Variants in NR1I2 observed in about 807,000 individuals in gnomAD.
The protein encoded by NR1I2 is nuclear receptor subfamily 1 group I member 2.
NR1I2 carries 42 observed loss-of-function variants against 43.3 expected under a neutral mutation model. The observed-to-expected ratio is 0.97, with a 90% CI of 0.76 to 1.26. The LOEUF is 1.26. Ranked by LOEUF, NR1I2 falls within the 50% of genes most tolerant of loss-of-function variation. NR1I2 has a pLI of 0.00. For synonymous variants in NR1I2, 229 were observed against 215.0 expected, an observed-to-expected ratio of 1.06 and a Z score of -0.57; for missense variants, 559 against 566.7, an observed-to-expected ratio of 0.99 and a Z score of 0.14.
chr3:119,809,567 AG>A (rs1191366292), intron 2 of NR1I2, among the ~76,000 whole-genome samples: 2 of 7,868 alleles, frequency 2.5e-4, no homozygotes, highest in African/African-American at 1.1e-3. Flanking sequence ...GCGGGGGGGA[AG>A]GCGGGGGGGT....
rs561433857 is a variant in NR1I2 at position 119,796,639 on chromosome 3, G to T, written c.-22-10590G>T. Among the ~76,000 whole-genome samples the T allele has an allele frequency of 3.9e-5, 6 of 152,180 alleles. No homozygotes were observed. The East Asian group carries it at 9.7e-4, about 25-fold the overall frequency. On this transcript the variant is annotated intron_variant, in intron 1 of 8. Transcript: ENST00000393716. ...TTCTCCTCCATTGCTATCTCCAGTT[G>T]CACCGCTCTTCTTCATTTCTTTCCC... is the stretch of plus-strand genomic sequence containing the variant.
intron 1 of NR1I2, chr3:119,792,330 A>G: frequency 7.0e-7 from 1 of 1,427,706 alleles, no homozygotes; most frequent in Non-Finnish European, 9.8e-7. Context: ...TGTGTCTTTG[A>G]CACATCTGAC....
chr3:119,813,212 C>T (rs1222320123), intron 5 of NR1I2, among the ~76,000 whole-genome samples: 1 of 152,186 alleles, frequency 6.6e-6, no homozygotes, highest in African/African-American at 2.4e-5. Flanking sequence ...AAAAATGCCT[C>T]CCCTGCAGGG....
chr3:119,784,895 A>G (rs2054822960), intron 1 of NR1I2, among the ~76,000 whole-genome samples: 1 of 152,100 alleles, frequency 6.6e-6, no homozygotes, highest in African/African-American at 2.4e-5. Context: ...CCCCCAATAA[A>G]TAGAAAATCT....
At chr3:119,798,177 G>A (rs1168500759) in intron 1 of NR1I2, among the ~76,000 whole-genome samples, 2 of 152,044 alleles carry the variant, frequency 1.3e-5, no homozygotes, top group African/African-American at 4.8e-5. Context: ...ACTGAGTCTC[G>A]TGTGTCTCTT....
At chr3:119,806,578 G>A (rs1004742565) in intron 1 of NR1I2, among the ~76,000 whole-genome samples, 1 of 152,142 alleles carries the variant, frequency 6.6e-6, no homozygotes, top group African/African-American at 2.4e-5. Flanking sequence ...CAGCCACCAT[G>A]CTTAGCTACA....
At chr3:119,783,331 C>T (rs571725529) in intron 1 of NR1I2, among the ~76,000 whole-genome samples, 13 of 152,142 alleles carry the variant, frequency 8.5e-5, no homozygotes, top group Admixed American at 5.2e-4. Flanking sequence ...CATGCCCATT[C>T]GTTATGTATT....
intron 1 of NR1I2, among the ~76,000 whole-genome samples, chr3:119,787,760 T>C (rs778337197): frequency 6.6e-6 from 1 of 151,574 alleles, no homozygotes; most frequent in Non-Finnish European, 1.5e-5. Context: ...TATTTAATTA[T>C]GCGTGTGTGT....
intron 1 of NR1I2, among the ~76,000 whole-genome samples, chr3:119,793,102 C>T (rs2054945270): frequency 6.6e-6 from 1 of 152,180 alleles, no homozygotes; most frequent in Non-Finnish European, 1.5e-5. Context: ...CGCACTTCAC[C>T]TTCCACCATG....
At chr3:119,799,592 CA>C (rs1379192286) in intron 1 of NR1I2, among the ~76,000 whole-genome samples, 5 of 151,722 alleles carry the variant, frequency 3.3e-5, no homozygotes, top group Admixed American at 1.3e-4. Flanking sequence ...CAAACAAACA[CA>C]AACAAAAAAA....
intron 1 of NR1I2, among the ~76,000 whole-genome samples, chr3:119,805,418 C>T (rs185330155): frequency 2.6e-5 from 4 of 152,220 alleles, no homozygotes; most frequent in East Asian, 3.9e-4. Context: ...TGGCCAGACG[C>T]GGTGGCTCAC....
At chr3:119,805,610 G>A (rs2055146044) in intron 1 of NR1I2, among the ~76,000 whole-genome samples, 1 of 151,888 alleles carries the variant, frequency 6.6e-6, no homozygotes. Context: ...GGCAGAGGCA[G>A]GAGAATCGCT....
chr3:119,791,709 G>GT, intron 1 of NR1I2: 1 of 372,180 alleles, frequency 2.7e-6, no homozygotes, highest in Non-Finnish European at 5.2e-6. Flanking sequence ...GAGGTCAGGA[G>GT]TTTGAGACCA....
Position 119,815,093 on chromosome 3 carries a change from G to A in NR1I2, c.909G>A (p.Arg303=). The change falls in exon 6 of 9, where the codon CGG becomes CGA. Residue 303 remains arginine (R), a synonymous_variant. Coordinates refer to ENST00000393716, the MANE Select transcript of NR1I2 (RefSeq NM_003889.4). Reference sequence around the variant, plus strand: ...AGACTGGAACCTGGGAGTGTGGCCGGCTGTCCTACTGCTTGGAAGACACTG... The same window carrying A: ...AGACTGGAACCTGGGAGTGTGGCCGACTGTCCTACTGCTTGGAAGACACTG... 6.2e-7 allele frequency: 1 copy of A among 1,614,166 alleles called. No homozygotes were observed. The highest frequency in any genetic ancestry group is 8.5e-7 in the Non-Finnish European group (1 of 1,180,044).
chr3:119,813,647 T>C (rs1341727973), intron 5 of NR1I2, among the ~76,000 whole-genome samples: 3 of 152,134 alleles, frequency 2.0e-5, no homozygotes, highest in African/African-American at 7.2e-5. Context: ...TTCAGCAGGT[T>C]GAGGGTAGGT....
chr3:119,814,750 T>C (rs1410378879), intron 5 of NR1I2, among the ~76,000 whole-genome samples: 1 of 151,934 alleles, frequency 6.6e-6, no homozygotes, highest in African/African-American at 2.4e-5. Context: ...GTGGGTGGAG[T>C]TCCCGGAGGT....
At chr3:119,788,534 C>T (rs1249413969) in intron 1 of NR1I2, among the ~76,000 whole-genome samples, 3 of 152,168 alleles carry the variant, frequency 2.0e-5, no homozygotes, top group South Asian at 2.1e-4. Flanking sequence ...ACCTCCTGGG[C>T]TCAAGTGTTC....
intron 1 of NR1I2, among the ~76,000 whole-genome samples, chr3:119,788,225 C>A (rs1007770650): frequency 6.7e-6 from 1 of 148,524 alleles, no homozygotes; most frequent in Admixed American, 6.7e-5. Flanking sequence ...GTGATCCTCC[C>A]GCCTCAGCCC....
intron 1 of NR1I2, among the ~76,000 whole-genome samples, chr3:119,806,395 C>T (rs2055161106): frequency 6.6e-6 from 1 of 152,184 alleles, no homozygotes; most frequent in African/African-American, 2.4e-5. Context: ...AGAGATCCTC[C>T]CCGCTCAGCT....
Sources: gnomAD v4.1 joint callset for allele counts (sites outside exome capture counted in the v4.1 genomes callset) on GRCh38, gnomAD v4.1.1 for gene constraint, MANE v1.5 for transcripts, NCBI Gene and HGNC (gene_info 2026-07-23, HGNC 2026-07-21) for gene names.